Variants in PIEZO2 observed in about 807,000 individuals in gnomAD.
The protein encoded by PIEZO2 is piezo-type mechanosensitive ion channel component 2.
Under a neutral mutation model 337.3 loss-of-function variants are expected in PIEZO2, and 172 were observed. That is an observed-to-expected ratio of 0.51 (90% CI 0.45 to 0.58). PIEZO2 has a LOEUF of 0.58. PIEZO2 is among the 20% of genes least tolerant of loss of function. The pLI is 0.00. For synonymous variants in PIEZO2, 1,251 were observed against 1,228.5 expected, an observed-to-expected ratio of 1.02 and a Z score of -0.38; for missense variants, 3,028 against 3,391.3, an observed-to-expected ratio of 0.89 and a Z score of 2.66.
rs941925537 is a variant in PIEZO2, at chr18:11,143,304, T to G, written c.64+5221A>C. Reference sequence around the variant, plus strand: ...TGCTATTCTAAGTTCTCCTGAATATTTATGCAAAAAAGCATATTATACACA... The same window carrying G: ...TGCTATTCTAAGTTCTCCTGAATATGTATGCAAAAAAGCATATTATACACA... On this transcript the variant is annotated intron_variant, in intron 1 of 55. Coordinates refer to ENST00000674853, the MANE Select transcript of PIEZO2 (RefSeq NM_001378183.1). This position sits in a 1 kb window ranked among gnomAD's most constrained non-coding sequence, Gnocchi z 4.9. Among the ~76,000 whole-genome samples, 3 of 152,142 alleles carry G rather than the reference T, an allele frequency of 2.0e-5. No homozygotes were observed. Among genetic ancestry groups the G allele is most frequent in the African/African-American group, 7.2e-5 (3 of 41,440 alleles).
chr18:10,786,735 G>A (rs189227520), intron 16 of PIEZO2, among the ~76,000 whole-genome samples: 3 of 152,304 alleles, frequency 2.0e-5, no homozygotes, highest in Admixed American at 2.0e-4. Context: ...AAGAACTGAA[G>A]AACTGAGCTC....
chr18:10,798,432 A>C (rs954861294), intron 11 of PIEZO2, among the ~76,000 whole-genome samples: 2 of 152,208 alleles, frequency 1.3e-5, no homozygotes, highest in African/African-American at 4.8e-5. Flanking sequence ...CCTTGGCAGA[A>C]GCCCACTGGC....
At chr18:10,789,479 T>A in intron 14 of PIEZO2, 114 bp from the exon 15 acceptor site, 1 of 1,256,208 alleles carries the variant, frequency 8.0e-7, no homozygotes. Context: ...TATTGTATAA[T>A]TTGGATGATT....
rs531444560 is a variant in PIEZO2, at chr18:10,779,111, A to G, written c.2534+1214T>C. 4.5e-4 allele frequency among the ~76,000 whole-genome samples: 68 copies of G among 152,300 alleles called. 1 individual carries two copies. The highest frequency in any genetic ancestry group is 1.5e-3 in the African/African-American group (62 of 41,558). On this transcript the variant is annotated intron_variant, in intron 18 of 55. Transcript: ENST00000674853. ...CAGGTTGTCAAAAACCAGCCCCCAA[A>G]AAACCTGACAGGCCTCGTTCATTCC...
intron 21 of PIEZO2, among the ~76,000 whole-genome samples, chr18:10,765,509 T>C (rs2038315883): frequency 6.6e-6 from 1 of 152,156 alleles, no homozygotes. Context: ...AAGACTATTC[T>C]GGCCGCATTG....
intron 5 of PIEZO2, among the ~76,000 whole-genome samples, chr18:10,865,770 T>G (rs2041989436): frequency 1.3e-5 from 2 of 152,186 alleles, no homozygotes; most frequent in Admixed American, 1.3e-4. Context: ...GTGACTGAGA[T>G]TCCTTGAGTG....
chr18:11,133,223 T>A (rs1208910187), intron 1 of PIEZO2, among the ~76,000 whole-genome samples: 1 of 152,248 alleles, frequency 6.6e-6, no homozygotes, highest in African/African-American at 2.4e-5. Context: ...TTTACTGACT[T>A]CATATCAGCA....
chr18:10,791,442 T>C (rs1283646445), intron 13 of PIEZO2, 118 bp from the exon 14 acceptor site: 3 of 1,179,092 alleles, frequency 2.5e-6, no homozygotes, highest in East Asian at 3.2e-5. Context: ...AACCTTTTTA[T>C]TGGAGACAGA....
At chr18:11,122,202 G>A (rs1247232183) in intron 1 of PIEZO2, among the ~76,000 whole-genome samples, 6 of 152,210 alleles carry the variant, frequency 3.9e-5, no homozygotes, top group South Asian at 2.1e-4. Context: ...TGATCCACCC[G>A]CCTCGGCCTC....
At chr18:10,937,966 G>A (rs1319354398) in intron 3 of PIEZO2, among the ~76,000 whole-genome samples, 1 of 152,216 alleles carries the variant, frequency 6.6e-6, no homozygotes, top group East Asian at 1.9e-4. Context: ...AGAGATGAGA[G>A]AAGTGGCTTT....
chr18:10,770,323 G>C lies in PIEZO2; in HGVS notation c.2786-15C>G. Reference sequence around the variant, plus strand: ...GTTCCTTAAGTCTGCAAAATAGGAAGTACAGACAAGAGCATAACATTTTTA... The same window carrying C: ...GTTCCTTAAGTCTGCAAAATAGGAACTACAGACAAGAGCATAACATTTTTA... On this transcript the variant is annotated splice_polypyrimidine_tract_variant and intron_variant, in intron 20 of 55. Coordinates refer to ENST00000674853, the MANE Select transcript of PIEZO2 (RefSeq NM_001378183.1). The C allele has an allele frequency of 6.5e-7, 1 of 1,528,312 alleles. No homozygotes were observed. Among genetic ancestry groups the C allele is most frequent in the Non-Finnish European group, 8.8e-7 (1 of 1,142,658 alleles). 94.7% of individuals were successfully genotyped at this position (1,528,312 alleles called of 1,614,324 possible).
At position 11,016,314 on chromosome 18, in the gene PIEZO2, C is replaced by T. The variant is rs149069157; in HGVS notation, c.161-36654G>A. Among the ~76,000 whole-genome samples, 185 of 152,204 alleles carry T rather than the reference C, an allele frequency of 1.2e-3. No individual in the cohort carries two copies. In the East Asian group the frequency reaches 0.024, roughly 20 times the overall value. On this transcript the variant is annotated intron_variant, in intron 2 of 55. Transcript: ENST00000674853. This position sits in a 1 kb window ranked among gnomAD's most constrained non-coding sequence, Gnocchi z 5.6. Reference sequence around the variant, plus strand: ...ATCACAGGAGAGACACAGAATGTGGCGGTAGAGACGGTCAGAGCGAAAAAA... The same window carrying T: ...ATCACAGGAGAGACACAGAATGTGGTGGTAGAGACGGTCAGAGCGAAAAAA...
chr18:11,095,975 A>T (rs1365151476), intron 1 of PIEZO2, among the ~76,000 whole-genome samples: 1 of 152,208 alleles, frequency 6.6e-6, no homozygotes, highest in Non-Finnish European at 1.5e-5. Flanking sequence ...GAGAAATATC[A>T]CTTCTTCCAA....
intron 2 of PIEZO2, among the ~76,000 whole-genome samples, chr18:10,985,011 A>G (rs1393926070): frequency 6.6e-6 from 1 of 152,126 alleles, no homozygotes; most frequent in Non-Finnish European, 1.5e-5. Flanking sequence ...GAAATGAAGA[A>G]CAAAGACTTT....
rs1037928829 is a variant in PIEZO2 at position 10,866,156 on chromosome 18, A to G, written c.492+5097T>C. Among the ~76,000 whole-genome samples the G allele has an allele frequency of 8.5e-5, 13 of 152,354 alleles. 1 individual carries two copies. In the South Asian group the frequency reaches 1.2e-3, roughly 15 times the overall value. On this transcript the variant is annotated intron_variant, in intron 5 of 55. Coordinates refer to ENST00000674853, the MANE Select transcript of PIEZO2 (RefSeq NM_001378183.1). ...ATTAATCTGTAATCATTTCGTTTAA[A>G]TAGTTTAAAGATACTTTAGTTGATT...
chr18:11,013,007 A>G (rs1876369), intron 2 of PIEZO2, among the ~76,000 whole-genome samples: 81,886 of 151,982 alleles, frequency 0.54, 22,351 homozygotes, highest in African/African-American at 0.61. Flanking sequence ...CTGCACTACC[A>G]CACTCCACCC....
rs1386952584 is a variant in PIEZO2, at chr18:10,904,436, T to C, written c.329+6750A>G. On this transcript the variant is annotated intron_variant, in intron 4 of 55. Coordinates refer to ENST00000674853, the MANE Select transcript of PIEZO2 (RefSeq NM_001378183.1). ...GTCTACTGTGTAGATTGTGTAGTAC[T>C]TCCCCCCAGTCACTCTCCTTTCTTA... Among the ~76,000 whole-genome samples the C allele has an allele frequency of 4.6e-5, 7 of 151,652 alleles. No individual in the cohort carries two copies. In the East Asian group the frequency reaches 1.4e-3, roughly 29 times the overall value.
chr18:11,122,348 A>G (rs1317340711), intron 1 of PIEZO2, among the ~76,000 whole-genome samples: 1 of 152,212 alleles, frequency 6.6e-6, no homozygotes. Context: ...GTCTCATTTT[A>G]AACAATCAGC....
Position 10,870,243 on chromosome 18 carries a change from A to G in PIEZO2, c.492+1010T>C, listed in dbSNP as rs1186166025. Among the ~76,000 whole-genome samples the G allele has an allele frequency of 6.6e-6, 1 of 152,204 alleles. No individual in the cohort carries two copies. The highest frequency in any genetic ancestry group is 1.5e-5 in the Non-Finnish European group (1 of 68,036). On this transcript the variant is annotated intron_variant, in intron 5 of 55. Transcript: ENST00000674853. This position sits in a 1 kb window ranked among gnomAD's most constrained non-coding sequence, Gnocchi z 5.3. ...TCCCTCCTTTATTGTTTTTTAAATA[A>G]GCATACAAGGAAATTGTCTGCTTTC...
Sources: allele counts gnomAD v4.1 joint callset (sites outside exome capture counted in the v4.1 genomes callset), GRCh38; gene constraint gnomAD v4.1.1; non-coding constraint Gnocchi (gnomAD v3.1); transcripts MANE v1.5; gene names NCBI Gene and HGNC (gene_info 2026-07-23, HGNC 2026-07-21).